The following RNLS variants were observed in gnomAD, a reference collection of about 807,000 sequenced individuals.
The protein encoded by RNLS is renalase, FAD dependent amine oxidase.
In RNLS, 39 loss-of-function variants were observed where a neutral mutation model predicts 39.8. That is an observed-to-expected ratio of 0.98 (90% CI 0.76 to 1.28). The LOEUF is 1.28. Among genes scored for constraint, RNLS ranks in the 50% most tolerant of loss-of-function variants. The pLI, the probability that RNLS is intolerant of heterozygous loss-of-function variation, is 0.00. For synonymous variants in RNLS, 147 were observed against 150.7 expected, an observed-to-expected ratio of 0.98 and a Z score of 0.18; for missense variants, 410 against 413.3, an observed-to-expected ratio of 0.99 and a Z score of 0.07.
rs563753752 is a variant in RNLS, at chr10:88,510,492, A to T, written c.526+62411T>A. Among the ~76,000 whole-genome samples the T allele has an allele frequency of 3.9e-5, 6 of 152,306 alleles. No individual in the cohort carries two copies. In the South Asian group the frequency reaches 1.2e-3, roughly 32 times the overall value. ...TCTCTAAAATGCTCCACTCAGTAGC[A>T]ATCAATTTATGTAAGTATCTCTATT... On this transcript the variant is annotated intron_variant, in intron 4 of 6. Transcript: ENST00000331772.
intron 4 of RNLS, chr10:88,545,582 C>T: frequency 2.4e-6 from 1 of 411,788 alleles, no homozygotes. Context: ...TTACCTCCCA[C>T]TGGGTCCCTC....
At chr10:88,501,001 G>A (rs994309117) in intron 4 of RNLS, among the ~76,000 whole-genome samples, 1 of 139,962 alleles carries the variant, frequency 7.1e-6, no homozygotes, top group Admixed American at 7.7e-5. Context: ...ATATATATGT[G>A]TGTGTGTATA....
In RNLS at chr10:88,354,985, CT is replaced by C. The variant is rs552484296; in HGVS notation, c.700+7566del. On this transcript the variant is annotated intron_variant, in intron 5 of 6. Transcript: ENST00000331772. ...CATCTGATCATCCATCATTGATACC[CT>C]TTCTTCCAGTTGATTGAATCGGCTA... 4.6e-5 allele frequency among the ~76,000 whole-genome samples: 7 copies of C among 152,296 alleles called. No individual in the cohort carries two copies. In the South Asian group the frequency reaches 1.5e-3, roughly 32 times the overall value.
At chr10:88,372,550 A>G (rs1017076118) in intron 4 of RNLS, among the ~76,000 whole-genome samples, 1 of 152,146 alleles carries the variant, frequency 6.6e-6, no homozygotes, top group Non-Finnish European at 1.5e-5. Flanking sequence ...TCGTTTCTAT[A>G]GCAACACGTT....
At chr10:88,388,400 A>G (rs1370811447) in intron 4 of RNLS, among the ~76,000 whole-genome samples, 1 of 152,170 alleles carries the variant, frequency 6.6e-6, no homozygotes, top group Non-Finnish European at 1.5e-5. Flanking sequence ...GGACTATGCC[A>G]TCCTGCTTAA....
At chr10:88,380,363 CTTTTTTTTTTTTTT>C (rs10565402) in intron 4 of RNLS, among the ~76,000 whole-genome samples, 951 of 73,166 alleles carry the variant, frequency 0.013, 36 homozygotes, top group South Asian at 0.067. Context: ...GGTTTTGTAT[CTTTTTTTTTTTTTT>C]TTTTTTTTTT....
chr10:88,330,106 T>C (rs1241082190), intron 5 of RNLS, among the ~76,000 whole-genome samples: 3 of 147,740 alleles, frequency 2.0e-5, no homozygotes, highest in East Asian at 1.9e-4. Context: ...TAAATATATA[T>C]ACACACACTA....
intron 4 of RNLS, among the ~76,000 whole-genome samples, chr10:88,471,467 A>C (rs1564826426): frequency 6.6e-6 from 1 of 152,076 alleles, no homozygotes; most frequent in Non-Finnish European, 1.5e-5. Flanking sequence ...CTTGCTGGCT[A>C]CCTTTTGGGG....
chr10:88,182,794 CT>C, the RNLS span, among the ~76,000 whole-genome samples: 150 of 151,802 alleles, frequency 9.9e-4, 1 homozygote, highest in Non-Finnish European at 7.7e-4. Context: ...AACAGTGAAG[CT>C]TTTTTTTGTT....
chr10:88,261,653 A>C, the RNLS span, among the ~76,000 whole-genome samples: 1 of 152,300 alleles, frequency 6.6e-6, no homozygotes, highest in African/African-American at 2.4e-5. Flanking sequence ...GGTCATGTCC[A>C]CTTCTACCAC....
chr10:88,394,960 G>A (rs865999535), intron 4 of RNLS, among the ~76,000 whole-genome samples: 18 of 151,882 alleles, frequency 1.2e-4, no homozygotes, highest in Middle Eastern at 3.4e-3. Flanking sequence ...ACCAAACACC[G>A]CATGTTCTCA....
chr10:88,548,261 C>CAAAAAAAAAAA (rs869175046), intron 4 of RNLS, among the ~76,000 whole-genome samples: 4 of 32,404 alleles, frequency 1.2e-4, no homozygotes, highest in African/African-American at 2.0e-4. Context: ...GACTCCGTCT[C>CAAAAAAAAAAA]AAAAAAAAAA....
intron 6 of RNLS, among the ~76,000 whole-genome samples, chr10:88,311,776 A>G (rs1467338889): frequency 6.6e-6 from 1 of 152,218 alleles, no homozygotes; most frequent in Non-Finnish European, 1.5e-5. Context: ...TTACCAAATG[A>G]AAAAATGAAA....
intron 1 of RNLS, 66 bp downstream of exon 1, chr10:88,583,007 C>G (rs1457198164): frequency 2.6e-6 from 4 of 1,558,076 alleles, no homozygotes; most frequent in South Asian, 2.3e-5. Flanking sequence ...GGGTGCAGGC[C>G]CACACCACCT....
chr10:88,420,210 T>C (rs1375791260), intron 4 of RNLS, among the ~76,000 whole-genome samples: 1 of 152,028 alleles, frequency 6.6e-6, no homozygotes, highest in Non-Finnish European at 1.5e-5. Flanking sequence ...AGAGCCAATA[T>C]TTTTATTATT....
intron 4 of RNLS, among the ~76,000 whole-genome samples, chr10:88,495,319 A>T (rs1180332697): frequency 6.6e-6 from 1 of 152,178 alleles, no homozygotes; most frequent in Non-Finnish European, 1.5e-5. Flanking sequence ...AAAATAGTCA[A>T]TAGAGTCAAT....
chr10:88,504,956 T>C (rs1240205926), intron 4 of RNLS, among the ~76,000 whole-genome samples: 2 of 151,156 alleles, frequency 1.3e-5, no homozygotes, highest in African/African-American at 4.9e-5. Context: ...TGGGGGGAGA[T>C]GATGAAGAAA....
the RNLS span, among the ~76,000 whole-genome samples, chr10:88,178,579 G>A: frequency 6.6e-6 from 1 of 152,196 alleles, no homozygotes. Context: ...TGCCTGCTTT[G>A]CTTCCCTCTC....
At chr10:88,565,081 T>C (rs1341540653) in intron 4 of RNLS, among the ~76,000 whole-genome samples, 1 of 152,204 alleles carries the variant, frequency 6.6e-6, no homozygotes. Context: ...AAACATGTAG[T>C]ACATTCCTAA....
Sources: allele counts gnomAD v4.1 joint callset (sites outside exome capture counted in the v4.1 genomes callset), GRCh38; gene constraint gnomAD v4.1.1; transcripts MANE v1.5; gene names NCBI Gene and HGNC (gene_info 2026-07-23, HGNC 2026-07-21).